PCDH15: variants seen among roughly 807,000 people sequenced by gnomAD.
The protein encoded by PCDH15 is protocadherin related 15.
In PCDH15, 129 loss-of-function variants were observed where a neutral mutation model predicts 178.5. The ratio of observed to expected loss-of-function variants is 0.72; its 90% CI spans 0.63 to 0.84. The LOEUF is 0.84. PCDH15 is among the 40% of genes least tolerant of loss of function. The probability of loss-of-function intolerance (pLI) is 0.00; values close to 1 mark genes in which losing one functional copy is unlikely to be tolerated. For synonymous variants in PCDH15, 800 were observed against 732.0 expected (o/e 1.09, Z -1.50); for missense variants, 2,230 against 2,099.9 (o/e 1.06, Z -1.21).
chr10:54,856,884 G>C (rs1375314265), intron 3 of PCDH15, among the ~76,000 whole-genome samples: 1 of 152,154 alleles, frequency 6.6e-6, no homozygotes, highest in East Asian at 1.9e-4. Flanking sequence ...GATAAGAACT[G>C]TTGTGGCAGA....
intron 2 of PCDH15, among the ~76,000 whole-genome samples, chr10:54,966,596 A>G (rs994993533): frequency 1.3e-5 from 2 of 152,146 alleles, no homozygotes; most frequent in African/African-American, 4.8e-5. Context: ...CTTGAATTAC[A>G]GCTCCCATAA....
intron 2 of PCDH15, among the ~76,000 whole-genome samples, chr10:54,626,419 G>A (rs1041259414): frequency 6.6e-6 from 1 of 152,158 alleles, no homozygotes; most frequent in African/African-American, 2.4e-5. Flanking sequence ...CCTGCTGTGT[G>A]CAGCCAGGGA....
chr10:54,420,461 C>T (rs1955096691), intron 3 of PCDH15, among the ~76,000 whole-genome samples: 1 of 152,066 alleles, frequency 6.6e-6, no homozygotes, highest in Non-Finnish European at 1.5e-5. Context: ...AAGATTATTT[C>T]ACCCAAGAAA....
intron 2 of PCDH15, among the ~76,000 whole-genome samples, chr10:54,921,391 T>C (rs1420894691): frequency 1.3e-5 from 2 of 152,144 alleles, no homozygotes; most frequent in African/African-American, 2.4e-5. Context: ...GATAAACTCA[T>C]GTCCCAAGGG....
intron 2 of PCDH15, among the ~76,000 whole-genome samples, chr10:55,053,362 A>G (rs1308053924): frequency 6.6e-6 from 1 of 152,246 alleles, no homozygotes; most frequent in East Asian, 1.9e-4. Flanking sequence ...CACCGACAGA[A>G]GCAGAGCTAC....
chr10:55,239,228 T>A (rs1003045810), intron 1 of PCDH15, among the ~76,000 whole-genome samples: 1 of 152,204 alleles, frequency 6.6e-6, no homozygotes, highest in African/African-American at 2.4e-5. Flanking sequence ...CATATTCCAA[T>A]ATGTATACGT....
chr10:54,279,232 C>G (rs1432125124), intron 8 of PCDH15, among the ~76,000 whole-genome samples: 1 of 151,506 alleles, frequency 6.6e-6, no homozygotes, highest in Non-Finnish European at 1.5e-5. Context: ...CACAATCATA[C>G]AATTTCAACT....
At chr10:54,073,158 G>A (rs2094278702) in intron 17 of PCDH15, among the ~76,000 whole-genome samples, 1 of 151,364 alleles carries the variant, frequency 6.6e-6, no homozygotes, top group East Asian at 1.9e-4. Flanking sequence ...CACATTTTAT[G>A]CAATCGTGCA....
At chr10:54,515,441 T>C (rs915022591) in intron 3 of PCDH15, among the ~76,000 whole-genome samples, 13 of 152,148 alleles carry the variant, frequency 8.5e-5, no homozygotes, top group South Asian at 4.1e-4. Context: ...GCGCTGGCCA[T>C]TGCCGAGTTA....
At chr10:53,924,606 A>G (rs545987672) in intron 25 of PCDH15, among the ~76,000 whole-genome samples, 187 of 152,354 alleles carry the variant, frequency 1.2e-3, no homozygotes, top group Admixed American at 2.3e-3. Flanking sequence ...CTGCGGCCCC[A>G]GTGCAGGATC....
At chr10:54,930,606 C>T (rs2131852673) in intron 2 of PCDH15, among the ~76,000 whole-genome samples, 1 of 152,282 alleles carries the variant, frequency 6.6e-6, no homozygotes, top group Middle Eastern at 3.4e-3. Flanking sequence ...CCTTGGCTCT[C>T]TCATTTGGTT....
intron 2 of PCDH15, chr10:54,641,088 A>G (rs2093976886): frequency 3.6e-6 from 1 of 281,292 alleles, no homozygotes. Context: ...TGGGCGATAG[A>G]GCCATTTCTG....
Position 54,214,046 on chromosome 10 carries a change from T to G in PCDH15, c.988A>C (p.Thr330Pro). The G allele has an allele frequency of 1.9e-6, 3 of 1,545,556 alleles. No homozygotes were observed. Among genetic ancestry groups the G allele is most frequent in the Non-Finnish European group, 2.7e-6 (3 of 1,118,164 alleles). Reference sequence around the variant, plus strand: ...AAAAATCGTGGGTAATCCTCAGGAGTCCCTGGAAGACATTGAGATTTCAGT... The same window carrying G: ...AAAAATCGTGGGTAATCCTCAGGAGGCCCTGGAAGACATTGAGATTTCAGT... ...PGILYSILVG[T>P]PEDYPRFFHM... is the part of the protein sequence containing the mutation. The change falls in exon 10 of 38, where the codon ACT becomes CCT. Residue 330 changes from threonine to proline, a missense_variant and splice_region_variant. Transcript: ENST00000644397.
At chr10:55,280,189 C>T (rs1430067506) in intron 1 of PCDH15, among the ~76,000 whole-genome samples, 1 of 150,928 alleles carries the variant, frequency 6.6e-6, no homozygotes, top group Non-Finnish European at 1.5e-5. Context: ...AATGTGAATT[C>T]AGTCACATAT....
intron 1 of PCDH15, among the ~76,000 whole-genome samples, chr10:55,198,171 A>AT (rs1473515661): frequency 6.6e-6 from 1 of 152,060 alleles, no homozygotes; most frequent in Admixed American, 6.5e-5. Context: ...GTAGCTGATA[A>AT]TTTTTTGCAG....
chr10:55,350,264 TATATACACACAC>T (rs1471413077), intron 2 of PCDH15, among the ~76,000 whole-genome samples: 6 of 62,872 alleles, frequency 9.5e-5, no homozygotes, highest in African/African-American at 5.5e-4. Flanking sequence ...TATATATATA[TATATACACACAC>T]ACACACACAC....
At chr10:55,069,864 C>T (rs1841680401) in intron 2 of PCDH15, among the ~76,000 whole-genome samples, 1 of 152,014 alleles carries the variant, frequency 6.6e-6, no homozygotes, top group Admixed American at 6.6e-5. Context: ...CTGACTTCCA[C>T]AATGGTTGAA....
intron 2 of PCDH15, among the ~76,000 whole-genome samples, chr10:55,059,113 T>C (rs917169552): frequency 1.3e-5 from 2 of 152,124 alleles, no homozygotes; most frequent in African/African-American, 4.8e-5. Flanking sequence ...AGGAATAAAG[T>C]CAATACCGGA....
chr10:55,612,765 C>G (rs1039170050), intron 2 of PCDH15, among the ~76,000 whole-genome samples: 1 of 152,090 alleles, frequency 6.6e-6, no homozygotes, highest in African/African-American at 2.4e-5. Context: ...TTATTGAGGT[C>G]TCATCCCAGC....
Sources: allele counts gnomAD v4.1 joint callset (sites outside exome capture counted in the v4.1 genomes callset), GRCh38; gene constraint gnomAD v4.1.1; transcripts MANE v1.5; gene names NCBI Gene and HGNC (gene_info 2026-07-23, HGNC 2026-07-21).